Variants in PCDHGA9 observed in about 807,000 individuals in gnomAD.
PCDHGA9 encodes the protein protocadherin gamma-A9.
Under a neutral mutation model 62.5 loss-of-function variants are expected in PCDHGA9, and 37 were observed. That is an observed-to-expected ratio of 0.59 (90% CI 0.46 to 0.78). PCDHGA9 has a LOEUF of 0.78. Ranked by LOEUF, PCDHGA9 falls within the 30% of genes least tolerant of loss-of-function variation. The pLI, the probability that PCDHGA9 is intolerant of heterozygous loss-of-function variation, is 0.00. For missense variants in PCDHGA9, 1,138 were observed against 1,166.2 expected, an observed-to-expected ratio of 0.98 and a Z score of 0.35; for synonymous variants, 459 against 484.6, an observed-to-expected ratio of 0.95 and a Z score of 0.69.
At chr5:141,499,115 C>T (rs940275925) in intron 2 of PCDHGA9, among the ~76,000 whole-genome samples, 16 of 152,124 alleles carry the variant, frequency 1.1e-4, no homozygotes, top group African/African-American at 3.9e-4. Context: ...CACCACTATC[C>T]CTTCTCAGGT....
At chr5:141,407,889 G>T (rs1378600394) in intron 1 of PCDHGA9, 1 of 389,100 alleles carries the variant, frequency 2.6e-6, no homozygotes, top group Non-Finnish European at 4.6e-6. Context: ...TTCGGAGACC[G>T]AATTCAAAAT....
intron 1 of PCDHGA9, chr5:141,429,047 GGTTTCACC>G (rs1254088441): frequency 1.3e-5 from 2 of 152,034 alleles, no homozygotes; most frequent in Non-Finnish European, 2.9e-5. Flanking sequence ...GTACAGACGG[GGTTTCACC>G]GTGTTAGCCA....
At chr5:141,441,368 G>A (rs1215599443) in intron 1 of PCDHGA9, 2 of 152,598 alleles carry the variant, frequency 1.3e-5, no homozygotes, top group African/African-American at 2.4e-5. Flanking sequence ...TGGGGCCGTG[G>A]ACCAGGAACA....
At chr5:141,423,557 G>A (rs1365715281) in intron 1 of PCDHGA9, 4 of 1,613,536 alleles carry the variant, frequency 2.5e-6, no homozygotes, top group East Asian at 2.2e-5. Context: ...CCCAACTATG[G>A]GGACACGCTC....
Position 141,489,829 on chromosome 5 carries a change from G to T in PCDHGA9, c.2425-4978G>T, listed in dbSNP as rs1445416879. 6.2e-7 allele frequency: 1 copy of T among 1,614,076 alleles called. No individual in the cohort carries two copies. Among genetic ancestry groups the T allele is most frequent in the South Asian group, 1.1e-5 (1 of 91,070 alleles). ...GAAGCCATTCCCAGAGCTGGTGCTA[G>T]AGCAGCAGCTGGATCGTGAAGCCCA... On this transcript the variant is annotated intron_variant, in intron 1 of 3. Coordinates refer to ENST00000573521, the MANE Select transcript of PCDHGA9 (RefSeq NM_018921.3). The surrounding 1 kb of genome is among the most constrained non-coding windows in gnomAD (Gnocchi z 4.5).
At chr5:141,413,407 CTT>C (rs758693256) in intron 1 of PCDHGA9, 1 of 1,613,926 alleles carries the variant, frequency 6.2e-7, no homozygotes, top group Non-Finnish European at 8.5e-7. Context: ...TAGGACGCAG[CTT>C]TTCTCTCTGA....
chr5:141,408,527 G>T lies in PCDHGA9; in HGVS notation c.2424+3151G>T, dbSNP rs1239443007. ...AAGATGTGAGTTGCAATTGGAAGCT[G>T]TGGTGGAAAATCCTTTAAATATTTT... On this transcript the variant is annotated intron_variant, in intron 1 of 3. Coordinates refer to ENST00000573521, the MANE Select transcript of PCDHGA9 (RefSeq NM_018921.3). 2.5e-6 allele frequency: 4 copies of T among 1,613,954 alleles called. No homozygotes were observed. The African/African-American group carries it at 5.3e-5, about 22-fold the overall frequency.
chr5:141,466,090 C>A (rs983505253), intron 1 of PCDHGA9, among the ~76,000 whole-genome samples: 2 of 152,068 alleles, frequency 1.3e-5, no homozygotes, highest in African/African-American at 4.8e-5. Context: ...CCACTGCACT[C>A]CAGCCTGGGC....
At chr5:141,423,409 G>T (rs1168604361) in intron 1 of PCDHGA9, 1 of 1,614,148 alleles carries the variant, frequency 6.2e-7, no homozygotes, top group South Asian at 1.1e-5. Flanking sequence ...CCTGCTGCAG[G>T]CTTCTGAAGG....
At position 141,458,567 on chromosome 5, in the gene PCDHGA9, T is replaced by TTTTG. The variant is rs144471304; in HGVS notation, c.2425-36224_2425-36221dup. Among the ~76,000 whole-genome samples the TTTTG allele has an allele frequency of 8.6e-5, 13 of 151,610 alleles. No individual in the cohort carries two copies. The East Asian group carries it at 1.5e-3, about 18-fold the overall frequency. On this transcript the variant is annotated intron_variant, in intron 1 of 3. Coordinates refer to ENST00000573521, the MANE Select transcript of PCDHGA9 (RefSeq NM_018921.3). ...TTGTTTGTTTGTTTTGGTTTTGGGT[T>TTTTG]TTTGTTTGTTTGTTTGTTTTGGAGA...
chr5:141,419,137 C>G, intron 1 of PCDHGA9: 2 of 1,613,892 alleles, frequency 1.2e-6, no homozygotes, highest in Non-Finnish European at 1.7e-6. Context: ...CAGCCACAGA[C>G]AGGGGCAAGC....
At chr5:141,467,846 A>G (rs984687278) in intron 1 of PCDHGA9, among the ~76,000 whole-genome samples, 2 of 151,926 alleles carry the variant, frequency 1.3e-5, no homozygotes, top group Non-Finnish European at 2.9e-5. Context: ...TTTTTGTAGA[A>G]TGAGATTTCA....
chr5:141,421,538 T>A, intron 1 of PCDHGA9: 2 of 1,614,028 alleles, frequency 1.2e-6, no homozygotes, highest in Non-Finnish European at 1.7e-6. Context: ...TCCTCCTGTT[T>A]TTTAAATATG....
rs1385408442 is a variant in PCDHGA9 at position 141,487,321 on chromosome 5, T to A, written c.2425-7486T>A. 1 of 1,614,198 alleles carries A rather than the reference T, an allele frequency of 6.2e-7. No homozygotes were observed. The highest frequency in any genetic ancestry group is 1.7e-5 in the Admixed American group (1 of 60,032). ...TCGTGGCACTACTCTCTAAGTGTCT[T>A]CGTGGGGCAGCCTGTGGAGTCACAT... is the stretch of plus-strand genomic sequence containing the variant. On this transcript the variant is annotated intron_variant, in intron 1 of 3. Transcript: ENST00000573521. This position sits in a 1 kb window ranked among gnomAD's most constrained non-coding sequence, Gnocchi z 5.0.
intron 1 of PCDHGA9, among the ~76,000 whole-genome samples, chr5:141,465,041 C>T (rs2099095802): frequency 6.6e-6 from 1 of 151,856 alleles, no homozygotes; most frequent in Non-Finnish European, 1.5e-5. Flanking sequence ...CACAAATGAC[C>T]CTATATATTT....
At chr5:141,438,914 C>T (rs1249997741) in intron 1 of PCDHGA9, among the ~76,000 whole-genome samples, 1 of 151,906 alleles carries the variant, frequency 6.6e-6, no homozygotes, top group Non-Finnish European at 1.5e-5. Flanking sequence ...GATCCACCTG[C>T]CTTGGCCTCC....
intron 3 of PCDHGA9, among the ~76,000 whole-genome samples, chr5:141,505,793 GGACTTGGATC>G (rs2099848390): frequency 6.6e-6 from 1 of 152,142 alleles, no homozygotes; most frequent in Non-Finnish European, 1.5e-5. Flanking sequence ...ACTATCCTTG[GGACTTGGATC>G]GACTTGCTCA....
chr5:141,415,210 C>G lies in PCDHGA9; in HGVS notation c.2424+9834C>G, dbSNP rs2095843973. The G allele has an allele frequency of 2.5e-6, 4 of 1,614,068 alleles. No individual in the cohort carries two copies. The highest frequency in any genetic ancestry group is 1.6e-4 in the Middle Eastern group (1 of 6,062). ...CAGCATCCCCCAAGTCCTGGCGGAC[C>G]TCGGCAGCTTCGAGTCTCCAGCTAA... is the stretch of plus-strand genomic sequence containing the variant. On this transcript the variant is annotated intron_variant, in intron 1 of 3. Coordinates refer to ENST00000573521, the MANE Select transcript of PCDHGA9 (RefSeq NM_018921.3).
intron 1 of PCDHGA9, chr5:141,423,461 A>G (rs1590478217): frequency 6.2e-7 from 1 of 1,613,982 alleles, no homozygotes; most frequent in Non-Finnish European, 8.5e-7. Context: ...GTAGGCGTGG[A>G]CGGGGTACAG....
Sources: gnomAD v4.1 joint callset for allele counts (sites outside exome capture counted in the v4.1 genomes callset) on GRCh38, gnomAD v4.1.1 for gene constraint, Gnocchi (gnomAD v3.1) non-coding constraint, MANE v1.5 for transcripts, NCBI Gene and HGNC (gene_info 2026-07-23, HGNC 2026-07-21) for gene names.